PTPRJ: variants seen among roughly 807,000 people sequenced by gnomAD.
PTPRJ encodes the protein protein tyrosine phosphatase receptor type J.
PTPRJ carries 129 observed loss-of-function variants against 141.3 expected under a neutral mutation model. The ratio of observed to expected loss-of-function variants is 0.91; its 90% CI spans 0.79 to 1.06. The LOEUF is 1.06. PTPRJ is among the 50% of genes least tolerant of loss of function. The pLI is 0.00. For synonymous variants in PTPRJ, 610 were observed against 640.5 expected, an observed-to-expected ratio of 0.95 and a Z score of 0.72; for missense variants, 1,601 against 1,679.7, an observed-to-expected ratio of 0.95 and a Z score of 0.82.
intron 1 of PTPRJ, among the ~76,000 whole-genome samples, chr11:48,078,888 G>A (rs1855487430): frequency 1.4e-5 from 2 of 143,428 alleles, no homozygotes; most frequent in Non-Finnish European, 3.0e-5. Flanking sequence ...TGCCAGCCCT[G>A]AGTAGTTGCT....
At chr11:48,122,141 G>A (rs1165481247) in intron 4 of PTPRJ, among the ~76,000 whole-genome samples, 3 of 152,140 alleles carry the variant, frequency 2.0e-5, no homozygotes, top group Non-Finnish European at 2.9e-5. Context: ...TGGGAGTCAC[G>A]GGCACCCTGA....
rs59987198 is a variant in PTPRJ at position 48,051,084 on chromosome 11, C to CTTTTTTTTT, written c.97-58953_97-58945dup. ...GAGGTGATAGCCAGTTAACTGATGACTTTTTTTTTTTTTTTTTTTTTTTTT... is the reference window on the plus strand; with the variant it reads ...GAGGTGATAGCCAGTTAACTGATGACTTTTTTTTTTTTTTTTTTTTTTTTTTTTTTTTTT... On this transcript the variant is annotated intron_variant, in intron 1 of 24. Coordinates refer to ENST00000418331, the MANE Select transcript of PTPRJ (RefSeq NM_002843.4). Among the ~76,000 whole-genome samples, 7 of 79,318 alleles carry CTTTTTTTTT rather than the reference C, an allele frequency of 8.8e-5. 1 individual carries two copies. The highest frequency in any genetic ancestry group is 2.9e-4 in the African/African-American group (5 of 17,070). 52.0% of individuals were successfully genotyped at this position (79,318 alleles called of 152,430 possible).
chr11:48,017,967 C>CA (rs1297146363), intron 1 of PTPRJ, among the ~76,000 whole-genome samples: 3 of 152,108 alleles, frequency 2.0e-5, no homozygotes, highest in African/African-American at 7.2e-5. Flanking sequence ...ACAAAATGCA[C>CA]AAAAAATGAT....
intron 1 of PTPRJ, among the ~76,000 whole-genome samples, chr11:48,091,188 G>A (rs1184792111): frequency 6.6e-6 from 1 of 152,142 alleles, no homozygotes; most frequent in African/African-American, 2.4e-5. Flanking sequence ...AGCTGCAGGC[G>A]AGTTGTCTGG....
intron 1 of PTPRJ, among the ~76,000 whole-genome samples, chr11:48,081,547 C>A (rs1855557495): frequency 6.6e-6 from 1 of 152,120 alleles, no homozygotes; most frequent in Non-Finnish European, 1.5e-5. Flanking sequence ...TAGTCACTTC[C>A]CCGGCTGGCT....
At chr11:48,086,684 G>C (rs1441384049) in intron 1 of PTPRJ, among the ~76,000 whole-genome samples, 1 of 152,198 alleles carries the variant, frequency 6.6e-6, no homozygotes, top group African/African-American at 2.4e-5. Flanking sequence ...TGAGGTCATT[G>C]GCCTCAGGCC....
intron 1 of PTPRJ, among the ~76,000 whole-genome samples, chr11:48,013,788 C>G (rs1854876701): frequency 6.6e-6 from 1 of 152,138 alleles, no homozygotes; most frequent in Non-Finnish European, 1.5e-5. Context: ...CCTGGGGACT[C>G]AGGACATGCA....
At position 48,156,045 on chromosome 11, in the gene PTPRJ, G is replaced by A. The variant is rs768284691; in HGVS notation, c.3364G>A (p.Asp1122Asn). The A allele has an allele frequency of 2.5e-6, 4 of 1,603,336 alleles. No individual in the cohort carries two copies. The highest frequency in any genetic ancestry group is 3.3e-5 in the Admixed American group (2 of 59,988). Residue 1122 changes from aspartate (D) to asparagine (N), a missense_variant, in exon 21 of 25, where the codon GAT becomes AAT. Asp to Asn is a conservative substitution (Grantham distance 23). Coordinates refer to ENST00000418331, the MANE Select transcript of PTPRJ (RefSeq NM_002843.4). ...TQGPLPNTLK[D>N]FWRMVWEKNV... ...AGGACCTTTACCGAACACTTTGAAA[G>A]ATTTTTGGCGTATGGTTTGGGAGAA... is the stretch of plus-strand genomic sequence containing the variant.
At chr11:48,009,884 A>T (rs531809436) in intron 1 of PTPRJ, among the ~76,000 whole-genome samples, 2 of 152,356 alleles carry the variant, frequency 1.3e-5, no homozygotes, top group African/African-American at 4.8e-5. Context: ...CGTGGCTCTG[A>T]TCAGACCAAA....
intron 1 of PTPRJ, among the ~76,000 whole-genome samples, chr11:48,020,233 T>A (rs1228030): frequency 1.2e-3 from 178 of 152,310 alleles, no homozygotes; most frequent in African/African-American, 4.1e-3. Context: ...TGTGGGTACG[T>A]CTCCACCTTG....
intron 3 of PTPRJ, 119 bp from the exon 4 acceptor site, chr11:48,120,884 A>G (rs1856686693): frequency 2.2e-6 from 2 of 907,434 alleles, no homozygotes; most frequent in Admixed American, 5.8e-5. Context: ...TAGGAGGCAA[A>G]GAGAGATAAA....
chr11:48,104,228 T>C (rs1391758488), intron 1 of PTPRJ, among the ~76,000 whole-genome samples: 1 of 152,192 alleles, frequency 6.6e-6, no homozygotes, highest in Non-Finnish European at 1.5e-5. Flanking sequence ...GGGAAGCTTT[T>C]GGGTGTTCCT....
intron 1 of PTPRJ, among the ~76,000 whole-genome samples, chr11:48,019,244 A>C (rs1403195479): frequency 1.3e-5 from 2 of 152,072 alleles, no homozygotes; most frequent in African/African-American, 4.8e-5. Flanking sequence ...TTATAACAAC[A>C]GAAGAGGATT....
At chr11:48,159,865 T>G in intron 21 of PTPRJ, 65 bp from the exon 22 acceptor site, 24 of 1,590,036 alleles carry the variant, frequency 1.5e-5, no homozygotes, top group Non-Finnish European at 1.9e-5. Flanking sequence ...GTCTCCCTTG[T>G]GAGGTTTTAG....
chr11:48,144,542 C>T (rs1324701146), intron 12 of PTPRJ, 133 bp from the exon 13 acceptor site: 3 of 710,020 alleles, frequency 4.2e-6, no homozygotes, highest in Non-Finnish European at 7.1e-6. Context: ...GTAAGTCAAA[C>T]CTGGCACAGA....
At chr11:48,002,239 G>A (rs1854517960) in intron 1 of PTPRJ, among the ~76,000 whole-genome samples, 1 of 151,102 alleles carries the variant, frequency 6.6e-6, no homozygotes, top group African/African-American at 2.4e-5. Flanking sequence ...CCGGGTTCAA[G>A]TGATTCTTGT....
At chr11:48,083,531 A>G (rs760243237) in intron 1 of PTPRJ, among the ~76,000 whole-genome samples, 6 of 152,228 alleles carry the variant, frequency 3.9e-5, no homozygotes, top group Non-Finnish European at 7.3e-5. Flanking sequence ...GGCAAACCAC[A>G]TCCCACATGT....
intron 1 of PTPRJ, among the ~76,000 whole-genome samples, chr11:48,063,574 T>TG (rs376001786): frequency 6.6e-6 from 1 of 152,184 alleles, no homozygotes; most frequent in African/African-American, 2.4e-5. Flanking sequence ...AACAGGCTGC[T>TG]GGGGGGTGGC....
At chr11:48,159,297 T>G (rs1190475038) in intron 21 of PTPRJ, among the ~76,000 whole-genome samples, 1 of 152,184 alleles carries the variant, frequency 6.6e-6, no homozygotes, top group Non-Finnish European at 1.5e-5. Flanking sequence ...TATTGGTGTG[T>G]GTATTTGTAT....
Sources: gnomAD v4.1 joint callset for allele counts (sites outside exome capture counted in the v4.1 genomes callset) on GRCh38, gnomAD v4.1.1 for gene constraint, MANE v1.5 for transcripts, NCBI Gene and HGNC (gene_info 2026-07-23, HGNC 2026-07-21) for gene names.